WWOX: variants seen among roughly 807,000 people sequenced by gnomAD.
WWOX encodes WW domain-containing oxidoreductase.
A neutral mutation model predicts 46.2 loss-of-function variants in WWOX; 69 were observed. The ratio of observed to expected loss-of-function variants is 1.49; its 90% confidence interval spans 1.23 to 1.82. The LOEUF (loss-of-function observed/expected upper bound fraction) is 1.82, where lower values mean the gene tolerates loss of function less well. Among genes scored for constraint, WWOX ranks in the 40% most tolerant of loss-of-function variants. WWOX has a pLI of 0.00. For synonymous variants in WWOX, 359 were observed against 202.6 expected, an observed-to-expected ratio of 1.77 and a Z score of -6.56; for missense variants, 919 against 542.6, an observed-to-expected ratio of 1.69 and a Z score of -6.89.
intron 8 of WWOX, among the ~76,000 whole-genome samples, chr16:78,616,579 G>A (rs2046030729): frequency 6.6e-6 from 1 of 151,874 alleles, no homozygotes. Flanking sequence ...AGACCAGCCT[G>A]GCTGACATGG....
At chr16:78,948,553 C>A (rs1278666871) in intron 8 of WWOX, among the ~76,000 whole-genome samples, 1 of 152,102 alleles carries the variant, frequency 6.6e-6, no homozygotes, top group Non-Finnish European at 1.5e-5. Flanking sequence ...GTGCCCATGA[C>A]AGCTCTGCTT....
At chr16:78,203,187 G>A (rs2036286595) in intron 5 of WWOX, among the ~76,000 whole-genome samples, 1 of 152,130 alleles carries the variant, frequency 6.6e-6, no homozygotes, top group Admixed American at 6.5e-5. Flanking sequence ...GAGCCTGGCG[G>A]AGTTCATTTA....
intron 8 of WWOX, among the ~76,000 whole-genome samples, chr16:78,822,035 C>T (rs1048190465): frequency 6.6e-6 from 1 of 152,096 alleles, no homozygotes; most frequent in African/African-American, 2.4e-5. Context: ...CACCACCATG[C>T]CCAGCTATTT....
At chr16:79,163,792 C>A (rs1322779960) in intron 8 of WWOX, among the ~76,000 whole-genome samples, 3 of 55,394 alleles carry the variant, frequency 5.4e-5, no homozygotes, top group Non-Finnish European at 7.9e-5. Context: ...CAAAACTCCA[C>A]CTCAAAAAAA....
chr16:78,260,535 G>A (rs2038252158), intron 5 of WWOX, among the ~76,000 whole-genome samples: 1 of 151,464 alleles, frequency 6.6e-6, no homozygotes, highest in Admixed American at 6.6e-5. Context: ...GGGCATGGTG[G>A]CAGGTGCCTG....
At chr16:78,250,507 G>A (rs956667637) in intron 5 of WWOX, among the ~76,000 whole-genome samples, 8 of 152,104 alleles carry the variant, frequency 5.3e-5, no homozygotes, top group African/African-American at 1.7e-4. Flanking sequence ...GTATTGTAAG[G>A]ACTGCTTATT....
rs1326792750 is a variant in WWOX, at chr16:78,422,756, T to TACACACATATATATAC, written c.606-2109_606-2108insCATATATATACACACA. ...ACACACACATATATATACACATATATACACATATATATACACACATATATA... is the reference window on the plus strand; with the variant it reads ...ACACACACATATATATACACATATATACACACATATATATACACACATATATATACACACATATATA... On this transcript the variant is annotated intron_variant, in intron 6 of 8. Transcript: ENST00000566780. 2.9e-5 allele frequency among the ~76,000 whole-genome samples: 3 copies of TACACACATATATATAC among 103,996 alleles called. 1 individual carries two copies. Among genetic ancestry groups the TACACACATATATATAC allele is most frequent in the African/African-American group, 2.0e-4 (3 of 15,068 alleles). The allele number at this position is 103,996 out of a possible 152,430, so 68.2% of individuals were successfully genotyped here.
chr16:78,542,018 CAAAAAAAAAAAAA>C (rs548366256), intron 8 of WWOX, among the ~76,000 whole-genome samples: 9 of 40,642 alleles, frequency 2.2e-4, no homozygotes, highest in African/African-American at 2.1e-4. Flanking sequence ...CAGAGTATAC[CAAAAAAAAAAAAA>C]AAAAAAAAAA....
At chr16:79,156,408 G>A (rs958544627) in intron 8 of WWOX, among the ~76,000 whole-genome samples, 1 of 152,138 alleles carries the variant, frequency 6.6e-6, no homozygotes, top group Non-Finnish European at 1.5e-5. Flanking sequence ...TGATTCACCC[G>A]CCTCAGCCTC....
At chr16:79,064,142 C>G (rs2048401872) in intron 8 of WWOX, among the ~76,000 whole-genome samples, 1 of 152,202 alleles carries the variant, frequency 6.6e-6, no homozygotes, top group African/African-American at 2.4e-5. Flanking sequence ...AGAGAGTTTT[C>G]TTCCATCACA....
intron 5 of WWOX, among the ~76,000 whole-genome samples, chr16:78,356,957 A>G (rs958827451): frequency 6.6e-6 from 1 of 152,168 alleles, no homozygotes; most frequent in Admixed American, 6.5e-5. Flanking sequence ...TTAAATGGCC[A>G]ATTCCTAAAT....
chr16:79,134,075 T>C (rs536805034), intron 8 of WWOX, among the ~76,000 whole-genome samples: 34 of 152,286 alleles, frequency 2.2e-4, no homozygotes, highest in Non-Finnish European at 4.4e-4. Flanking sequence ...GTTGTCACTA[T>C]GAAGAATGGG....
chr16:78,227,811 A>T (rs1258374074), intron 5 of WWOX, among the ~76,000 whole-genome samples: 3 of 152,130 alleles, frequency 2.0e-5, no homozygotes, highest in Admixed American at 2.0e-4. Context: ...CGGGAGGCGG[A>T]GGTTGCAGTG....
chr16:78,904,858 A>AT (rs1225602005), intron 8 of WWOX, among the ~76,000 whole-genome samples: 4 of 152,082 alleles, frequency 2.6e-5, no homozygotes, highest in Admixed American at 2.0e-4. Context: ...GAAAATAACC[A>AT]TTTTTTCTCC....
rs1317534875 is a variant in WWOX at position 78,144,435 on chromosome 16, A to ATATATATATACGTG, written c.410-19738_410-19737insCGTGTATATATATA. 6.5e-4 allele frequency among the ~76,000 whole-genome samples: 11 copies of ATATATATATACGTG among 16,904 alleles called. 1 individual carries two copies. Among genetic ancestry groups the ATATATATATACGTG allele is most frequent in the African/African-American group, 3.5e-3 (9 of 2,602 alleles). 11.1% of individuals were successfully genotyped at this position (16,904 alleles called of 152,430 possible). A position where few individuals can be genotyped will look rare whatever the true frequency, so the allele number is the denominator to read the frequency against. Reference sequence around the variant, plus strand: ...AACGTGGTTTTTGCCATTACTATATATATATATATATACACATATATATAT... The same window carrying ATATATATATACGTG: ...AACGTGGTTTTTGCCATTACTATATATATATATATACGTGTATATATATATACACATATATATAT... On this transcript the variant is annotated intron_variant, in intron 4 of 8. Coordinates refer to ENST00000566780, the MANE Select transcript of WWOX (RefSeq NM_016373.4).
chr16:79,069,856 A>C (rs2048515361), intron 8 of WWOX, among the ~76,000 whole-genome samples: 1 of 152,188 alleles, frequency 6.6e-6, no homozygotes, highest in African/African-American at 2.4e-5. Context: ...ATGTAAACCA[A>C]CTTTGGCCCA....
chr16:78,735,286 A>G (rs1369715189), intron 8 of WWOX, among the ~76,000 whole-genome samples: 1 of 151,818 alleles, frequency 6.6e-6, no homozygotes, highest in African/African-American at 2.4e-5. Flanking sequence ...CACCTTGCCT[A>G]TAGCGGATCT....
chr16:78,279,806 C>T (rs946357948), intron 5 of WWOX, among the ~76,000 whole-genome samples: 16 of 152,192 alleles, frequency 1.1e-4, no homozygotes, highest in Non-Finnish European at 1.9e-4. Context: ...TTCTGCTAAC[C>T]CTCCTGCCCA....
chr16:78,581,531 A>G (rs1259168963), intron 8 of WWOX, among the ~76,000 whole-genome samples: 1 of 152,200 alleles, frequency 6.6e-6, no homozygotes, highest in East Asian at 1.9e-4. Flanking sequence ...TTGTCGTCTT[A>G]CACGTTAATG....
Sources: allele counts gnomAD v4.1 joint callset (sites outside exome capture counted in the v4.1 genomes callset), GRCh38; gene constraint gnomAD v4.1.1; transcripts MANE v1.5; gene names NCBI Gene and HGNC (gene_info 2026-07-23, HGNC 2026-07-21).